NR6A1: variants seen among roughly 807,000 people sequenced by gnomAD.
NR6A1 encodes the protein retinoic acid receptor-related testis-associated receptor.
NR6A1 carries 7 observed loss-of-function variants against 59.1 expected under a neutral mutation model. That is an observed-to-expected ratio of 0.12 (90% CI 0.07 to 0.22). NR6A1 has a LOEUF of 0.22. Ranked by LOEUF, NR6A1 falls within the 10% of genes least tolerant of loss-of-function variation. NR6A1 has a pLI of 1.00. For missense variants in NR6A1, 468 were observed against 611.6 expected (o/e 0.77, Z 2.48); for synonymous variants, 243 against 236.1 (o/e 1.03, Z -0.27).
At chr9:124,634,101 A>T (rs1034856326) in intron 2 of NR6A1, among the ~76,000 whole-genome samples, 1 of 152,232 alleles carries the variant, frequency 6.6e-6, no homozygotes, top group African/African-American at 2.4e-5. Context: ...GCCTGTCATG[A>T]TAAATAATTA....
At chr9:124,733,198 TGA>T (rs1839931427) in intron 2 of NR6A1, 108 bp downstream of exon 2, 2 of 777,630 alleles carry the variant, frequency 2.6e-6, no homozygotes, top group African/African-American at 3.5e-5. Flanking sequence ...AAATAAAATC[TGA>T]GAGTCAATAA....
chr9:124,687,291 A>ATTAATTAATTAT (rs59770058), intron 2 of NR6A1, among the ~76,000 whole-genome samples: 3,315 of 142,092 alleles, frequency 0.023, 87 homozygotes, highest in Admixed American at 0.072. Flanking sequence ...CAGCTAATTA[A>ATTAATTAATTAT]TTATTTATTT....
chr9:124,635,925 G>A (rs1426804633), intron 2 of NR6A1, among the ~76,000 whole-genome samples: 1 of 152,216 alleles, frequency 6.6e-6, no homozygotes, highest in East Asian at 1.9e-4. Context: ...GTTTAATTTT[G>A]TAAGACAAAC....
chr9:124,599,236 A>G lies in NR6A1; in HGVS notation c.143-44666T>C, dbSNP rs1835374891. The G allele has an allele frequency of 6.7e-6, 3 of 448,072 alleles. No individual in the cohort carries two copies. The Admixed American group carries it at 1.0e-4, about 15-fold the overall frequency. The allele number at this position is 448,072 out of a possible 1,614,324, so 27.8% of individuals were successfully genotyped here. On this transcript the variant is annotated intron_variant, in intron 2 of 9. Transcript: ENST00000487099. ...GGCGGGTGGATAACCTGAGGTCAGGAGTTTGAGACCAGTCTCGTCAACATG... is the reference window on the plus strand; with the variant it reads ...GGCGGGTGGATAACCTGAGGTCAGGGGTTTGAGACCAGTCTCGTCAACATG...
At chr9:124,598,010 T>A (rs542174166) in intron 2 of NR6A1, among the ~76,000 whole-genome samples, 1 of 152,174 alleles carries the variant, frequency 6.6e-6, no homozygotes, top group Admixed American at 6.5e-5. Context: ...CCACCACGCC[T>A]GGCTAATTTG....
At chr9:124,675,427 T>C (rs1837924388) in intron 2 of NR6A1, among the ~76,000 whole-genome samples, 1 of 152,188 alleles carries the variant, frequency 6.6e-6, no homozygotes. Flanking sequence ...GTTGACTGAA[T>C]ACAGTCAGAG....
At chr9:124,673,939 T>C (rs1837874506) in intron 2 of NR6A1, among the ~76,000 whole-genome samples, 1 of 152,192 alleles carries the variant, frequency 6.6e-6, no homozygotes, top group Non-Finnish European at 1.5e-5. Context: ...CTATTTTCCA[T>C]CACATATTAG....
chr9:124,633,052 A>G (rs1232862598), intron 2 of NR6A1, among the ~76,000 whole-genome samples: 5 of 152,140 alleles, frequency 3.3e-5, no homozygotes, highest in Admixed American at 3.3e-4. Flanking sequence ...CTTCAGTGCC[A>G]ATTTCTTAGG....
At chr9:124,631,359 T>C (rs781135273) in intron 2 of NR6A1, among the ~76,000 whole-genome samples, 2 of 152,228 alleles carry the variant, frequency 1.3e-5, no homozygotes, top group Non-Finnish European at 2.9e-5. Context: ...ACAAGGATCA[T>C]TGGTAATTAA....
chr9:124,561,198 G>T (rs1349808116), intron 2 of NR6A1, among the ~76,000 whole-genome samples: 1 of 152,136 alleles, frequency 6.6e-6, no homozygotes, highest in Non-Finnish European at 1.5e-5. Flanking sequence ...CACTTTAGGA[G>T]GCCAAAGTGG....
chr9:124,601,583 C>CAAAA (rs11346749), intron 2 of NR6A1, among the ~76,000 whole-genome samples: 1 of 90,030 alleles, frequency 1.1e-5, no homozygotes, highest in African/African-American at 4.2e-5. Context: ...GACTCTGTGT[C>CAAAA]AAAAAAAAAA....
chr9:124,573,487 A>G (rs903007597), intron 2 of NR6A1, among the ~76,000 whole-genome samples: 2 of 152,200 alleles, frequency 1.3e-5, no homozygotes, highest in Non-Finnish European at 2.9e-5. Flanking sequence ...CCATGGGACA[A>G]TCTTTCACAG....
At chr9:124,661,180 GA>G (rs951521337) in intron 2 of NR6A1, among the ~76,000 whole-genome samples, 7 of 150,762 alleles carry the variant, frequency 4.6e-5, no homozygotes, top group African/African-American at 1.5e-4. Context: ...TGGAATACTA[GA>G]AAAAAAAACT....
intron 2 of NR6A1, among the ~76,000 whole-genome samples, chr9:124,657,731 T>G (rs998649550): frequency 6.6e-6 from 1 of 151,678 alleles, no homozygotes; most frequent in East Asian, 1.9e-4. Flanking sequence ...GGGTCCATGC[T>G]TTCATAGCTT....
chr9:124,587,376 A>G (rs1168262545), intron 2 of NR6A1, among the ~76,000 whole-genome samples: 4 of 152,174 alleles, frequency 2.6e-5, no homozygotes. Context: ...TTTGCAAATC[A>G]AAGCACAGTT....
chr9:124,717,793 A>G (rs1168393717), intron 2 of NR6A1, among the ~76,000 whole-genome samples: 1 of 152,208 alleles, frequency 6.6e-6, no homozygotes, highest in Non-Finnish European at 1.5e-5. Flanking sequence ...CAGCTGTGTG[A>G]CCTTGGCCAA....
chr9:124,700,966 G>A (rs1389942943), intron 2 of NR6A1, among the ~76,000 whole-genome samples: 2 of 151,874 alleles, frequency 1.3e-5, no homozygotes, highest in Non-Finnish European at 2.9e-5. Flanking sequence ...TCTCCATGTT[G>A]GCCAGGCGGG....
At position 124,771,310 on chromosome 9, in the gene NR6A1, C is replaced by T; in HGVS notation, c.-191G>A. 1 of 387,864 alleles carries T rather than the reference C, an allele frequency of 2.6e-6. No individual in the cohort carries two copies. Among genetic ancestry groups the T allele is most frequent in the Non-Finnish European group, 4.6e-6 (1 of 219,278 alleles). 24.0% of individuals were successfully genotyped at this position (387,864 alleles called of 1,614,324 possible). ...CCCTCCGCGCCGCGCCCCCTCAGCA[C>T]TGGCCAGCTCCCTCCCCTGACGTCA... On this transcript the variant is annotated 5_prime_UTR_variant, in exon 1 of 10. The change creates a new upstream start codon in the 5' untranslated region. Transcript: ENST00000487099.
chr9:124,524,318 T>C (rs1832870412), intron 9 of NR6A1, among the ~76,000 whole-genome samples: 1 of 152,198 alleles, frequency 6.6e-6, no homozygotes, highest in Non-Finnish European at 1.5e-5. Flanking sequence ...GAAATTAAGA[T>C]AATTTTAAAA....
Sources: allele counts gnomAD v4.1 joint callset (sites outside exome capture counted in the v4.1 genomes callset), GRCh38; gene constraint gnomAD v4.1.1; transcripts MANE v1.5; gene names NCBI Gene and HGNC (gene_info 2026-07-23, HGNC 2026-07-21).